Variants in MYO5B observed in about 807,000 individuals in gnomAD.
The protein encoded by MYO5B is myosin VB.
MYO5B carries 143 observed loss-of-function variants against 229.3 expected under a neutral mutation model. The observed-to-expected ratio is 0.62, with a 90% CI of 0.54 to 0.72. MYO5B has a LOEUF of 0.72. Ranked by LOEUF, MYO5B falls within the 30% of genes least tolerant of loss-of-function variation. The probability of loss-of-function intolerance (pLI) is 0.00; values close to 1 mark genes in which losing one functional copy is unlikely to be tolerated. For missense variants in MYO5B, 2,321 were observed against 2,331.0 expected (o/e 1.00, Z 0.09); for synonymous variants, 918 against 885.2 (o/e 1.04, Z -0.66).
chr18:49,832,399 C>T (rs1306525381), intron 39 of MYO5B, among the ~76,000 whole-genome samples: 1 of 152,228 alleles, frequency 6.6e-6, no homozygotes, highest in Non-Finnish European at 1.5e-5. Flanking sequence ...GAACCATGAA[C>T]TGCTGGTAGA....
At position 50,028,014 on chromosome 18, in the gene MYO5B, G is replaced by T. The variant is rs555836455; in HGVS notation, c.455+8836C>A. Reference sequence around the variant, plus strand: ...GAAAGCAAATTAGAGGTTACCTGGGGATGGAGGGAGACTTTGAAAAAAGAA... The same window carrying T: ...GAAAGCAAATTAGAGGTTACCTGGGTATGGAGGGAGACTTTGAAAAAAGAA... On this transcript the variant is annotated intron_variant, in intron 4 of 39. Coordinates refer to ENST00000285039, the MANE Select transcript of MYO5B (RefSeq NM_001080467.3). 2.0e-5 allele frequency among the ~76,000 whole-genome samples: 3 copies of T among 152,172 alleles called. No homozygotes were observed. In the East Asian group the frequency reaches 5.8e-4, roughly 29 times the overall value.
intron 27 of MYO5B, among the ~76,000 whole-genome samples, chr18:49,871,324 G>C (rs2024453737): frequency 6.6e-6 from 1 of 152,174 alleles, no homozygotes; most frequent in African/African-American, 2.4e-5. Flanking sequence ...AGTTTTAAAA[G>C]ATGAAAAGAG....
At chr18:49,833,883 C>T (rs1018272738) in intron 39 of MYO5B, among the ~76,000 whole-genome samples, 8 of 152,152 alleles carry the variant, frequency 5.3e-5, no homozygotes, top group African/African-American at 1.9e-4. Context: ...TTGTTGTATA[C>T]ATGTTGGTGA....
rs183811194 is a variant in MYO5B at position 49,950,560 on chromosome 18, G to A, written c.1752+2700C>T. The stretch of plus-strand genomic sequence containing the variant: ...AAAAAAGAGAAATAGATGTGTACTC[G>A]TGTGGAAAGACAACCAAGATACAAT... On this transcript the variant is annotated intron_variant, in intron 14 of 39. Coordinates refer to ENST00000285039, the MANE Select transcript of MYO5B (RefSeq NM_001080467.3). Among the ~76,000 whole-genome samples, 311 of 152,198 alleles carry A rather than the reference G, an allele frequency of 2.0e-3. 1 individual carries two copies. The highest frequency in any genetic ancestry group is 2.2e-3 in the Non-Finnish European group (152 of 68,006).
intron 1 of MYO5B, among the ~76,000 whole-genome samples, chr18:50,059,586 T>A (rs1032645889): frequency 6.6e-6 from 1 of 152,124 alleles, no homozygotes; most frequent in Non-Finnish European, 1.5e-5. Flanking sequence ...GTCCAGTCAA[T>A]CTCCACAATA....
intron 1 of MYO5B, among the ~76,000 whole-genome samples, chr18:50,150,349 C>T (rs1280810353): frequency 4.1e-5 from 6 of 145,290 alleles, no homozygotes; most frequent in Admixed American, 1.4e-4. Flanking sequence ...ACCCAAAGGA[C>T]TATAAATCAT....
intron 1 of MYO5B, among the ~76,000 whole-genome samples, chr18:50,065,073 G>A (rs2030785636): frequency 1.3e-5 from 2 of 152,166 alleles, no homozygotes; most frequent in South Asian, 4.1e-4. Flanking sequence ...ACTCAAGCGA[G>A]CTCTCAATTT....
intron 4 of MYO5B, among the ~76,000 whole-genome samples, chr18:50,014,915 T>C (rs187555524): frequency 5.3e-5 from 8 of 152,314 alleles, no homozygotes; most frequent in African/African-American, 1.9e-4. Context: ...GGACCATGCC[T>C]AGCACGTCTA....
At chr18:49,937,148 G>A (rs1381268883) in intron 15 of MYO5B, 97 bp downstream of exon 15, 6 of 1,465,078 alleles carry the variant, frequency 4.1e-6, no homozygotes, top group Non-Finnish European at 4.8e-6. Context: ...CAAGGCTGCT[G>A]TGATGGCTTC....
intron 16 of MYO5B, among the ~76,000 whole-genome samples, chr18:49,935,985 G>A (rs1300682696): frequency 6.6e-6 from 1 of 152,184 alleles, no homozygotes; most frequent in Non-Finnish European, 1.5e-5. Flanking sequence ...TACATTTAAC[G>A]TTCTCTATTT....
intron 4 of MYO5B, among the ~76,000 whole-genome samples, chr18:50,035,529 C>T (rs563361582): frequency 4.3e-4 from 66 of 152,178 alleles, no homozygotes; most frequent in Non-Finnish European, 8.7e-4. Context: ...GCCATACCCG[C>T]GGCCTCCAAC....
chr18:49,873,275 A>C (rs2024477089), intron 26 of MYO5B, among the ~76,000 whole-genome samples: 2 of 152,244 alleles, frequency 1.3e-5, no homozygotes, highest in South Asian at 4.1e-4. Context: ...AGTAATTTCA[A>C]GTAGTGGGTG....
rs1455736338 is a variant in MYO5B, at chr18:49,825,930, A to C, written c.*541T>G. On this transcript the variant is annotated 3_prime_UTR_variant, in exon 40 of 40. Transcript: ENST00000285039. ...TCAGCCATTAAAAAATATTTTGGGA[A>C]TATTTCTCAGAAGTCTCATCCCCAT... The C allele has an allele frequency of 6.2e-6, 1 of 162,292 alleles. No individual in the cohort carries two copies. Among genetic ancestry groups the C allele is most frequent in the African/African-American group, 2.4e-5 (1 of 41,492 alleles). The allele number at this position is 162,292 out of a possible 1,614,324, so 10.1% of individuals were successfully genotyped here. A position where few individuals can be genotyped will look rare whatever the true frequency, so the allele number is the denominator to read the frequency against.
At chr18:49,987,940 T>C (rs1398799465) in intron 7 of MYO5B, among the ~76,000 whole-genome samples, 1 of 152,098 alleles carries the variant, frequency 6.6e-6, no homozygotes, top group Non-Finnish European at 1.5e-5. Flanking sequence ...CCTGTATGGT[T>C]TTTACCATCA....
chr18:50,176,585 CTGGTCCCTGATCAAAGTT>C (rs567229544), intron 1 of MYO5B, among the ~76,000 whole-genome samples: 17 of 152,304 alleles, frequency 1.1e-4, no homozygotes, highest in African/African-American at 3.8e-4. Flanking sequence ...CCTTGCATAC[CTGGTCCCTGATCAAAGTT>C]TGGTCCCTGA....
At chr18:50,151,732 T>C (rs756672867) in intron 1 of MYO5B, among the ~76,000 whole-genome samples, 3 of 152,176 alleles carry the variant, frequency 2.0e-5, no homozygotes, top group African/African-American at 7.2e-5. Context: ...TAGGATTGTA[T>C]TGTATCAGAG....
chr18:49,862,380 T>C (rs1257471533), intron 29 of MYO5B, among the ~76,000 whole-genome samples: 2 of 152,312 alleles, frequency 1.3e-5, no homozygotes, highest in Non-Finnish European at 2.9e-5. Context: ...ACACTCATCA[T>C]GTGCGCACCA....
chr18:50,073,138 C>A (rs1208266921), intron 1 of MYO5B, among the ~76,000 whole-genome samples: 1 of 152,184 alleles, frequency 6.6e-6, no homozygotes, highest in Non-Finnish European at 1.5e-5. Context: ...TTATAACGAT[C>A]AAGTATTATA....
At chr18:50,093,195 CACACACACACAG>C (rs1386801539) in intron 1 of MYO5B, among the ~76,000 whole-genome samples, 2 of 124,084 alleles carry the variant, frequency 1.6e-5, no homozygotes, top group Middle Eastern at 3.6e-3. Context: ...CACACACACA[CACACACACACAG>C]ACACACACAC....
Sources: allele counts gnomAD v4.1 joint callset (sites outside exome capture counted in the v4.1 genomes callset), GRCh38; gene constraint gnomAD v4.1.1; transcripts MANE v1.5; gene names NCBI Gene and HGNC (gene_info 2026-07-23, HGNC 2026-07-21).